The following WDFY4 variants were observed in gnomAD, a reference collection of about 807,000 sequenced individuals.
WDFY4 encodes the protein WD repeat- and FYVE domain-containing protein 4.
Under a neutral mutation model 351.9 loss-of-function variants are expected in WDFY4, and 169 were observed. The observed-to-expected ratio is 0.48, with a 90% CI of 0.42 to 0.55. The LOEUF (loss-of-function observed/expected upper bound fraction) is 0.55. WDFY4 is among the 20% of genes least tolerant of loss of function. The pLI is 0.00. For missense variants in WDFY4, 3,803 were observed against 3,935.6 expected, an observed-to-expected ratio of 0.97 and a Z score of 0.90; for synonymous variants, 1,622 against 1,574.6, an observed-to-expected ratio of 1.03 and a Z score of -0.71.
chr10:48,767,391 C>A (rs1317301521), intron 13 of WDFY4, among the ~76,000 whole-genome samples: 3 of 152,164 alleles, frequency 2.0e-5, no homozygotes, highest in Non-Finnish European at 4.4e-5. Flanking sequence ...ATATAAAATT[C>A]TGAAACTATT....
intron 2 of WDFY4, among the ~76,000 whole-genome samples, chr10:48,713,427 C>A (rs966415968): frequency 6.6e-6 from 1 of 152,230 alleles, no homozygotes; most frequent in Non-Finnish European, 1.5e-5. Flanking sequence ...CTATCCCTGT[C>A]TTTGTTTATA....
chr10:48,902,423 C>T (rs1837404766), intron 47 of WDFY4, among the ~76,000 whole-genome samples: 1 of 152,100 alleles, frequency 6.6e-6, no homozygotes, highest in Non-Finnish European at 1.5e-5. Context: ...GTTTTTATTT[C>T]AGTCGGGGTG....
rs1842605394 is a variant in WDFY4 at position 48,977,179 on chromosome 10, C to A, written c.9291+200C>A. On this transcript the variant is annotated intron_variant, in intron 59 of 61. Transcript: ENST00000325239. ...ATAAAATTATATATATAGTATTACA[C>A]ACACAGACACACACATGCACACACA... The A allele has an allele frequency of 8.0e-6, 3 of 377,040 alleles. No individual in the cohort carries two copies. The Admixed American group carries it at 1.4e-4, about 17-fold the overall frequency. The allele number at this position is 377,040 out of a possible 1,614,324, so 23.4% of individuals were successfully genotyped here.
intron 1 of WDFY4, among the ~76,000 whole-genome samples, chr10:48,686,099 T>A (rs1250821335): frequency 6.6e-6 from 1 of 151,830 alleles, no homozygotes; most frequent in African/African-American, 2.4e-5. Flanking sequence ...GGGAACAGGG[T>A]CAGGTCAGGG....
chr10:48,964,012 C>A lies in WDFY4; in HGVS notation c.8394C>A (p.Thr2798=). Residue 2798 remains threonine (T), a synonymous_variant, in exon 54 of 62, where the codon ACC becomes ACA. Transcript: ENST00000325239. ...TCACTGACCCCCTCATCAAAAGCAC[C>A]ATCCTGGGGTTTGTCAGCAACTTTG... The part of the protein sequence containing the change: ...SSITDPLIKS[T]ILGFVSNFGQ... 6.5e-7 allele frequency: 1 copy of A among 1,550,260 alleles called. No homozygotes were observed. Among genetic ancestry groups the A allele is most frequent in the Non-Finnish European group, 8.7e-7 (1 of 1,146,968 alleles).
intron 39 of WDFY4, among the ~76,000 whole-genome samples, chr10:48,840,731 G>A (rs992652078): frequency 2.6e-5 from 4 of 152,192 alleles, no homozygotes; most frequent in Non-Finnish European, 5.9e-5. Flanking sequence ...TCCAGAATAA[G>A]GGGGAAGGAT....
At chr10:48,819,787 G>T (rs973233791) in intron 32 of WDFY4, among the ~76,000 whole-genome samples, 3 of 152,110 alleles carry the variant, frequency 2.0e-5, no homozygotes, top group Non-Finnish European at 4.4e-5. Context: ...GTAGAGGTGG[G>T]GTCCCCATCA....
chr10:48,775,930 T>A, intron 15 of WDFY4, 124 bp downstream of exon 15: 1 of 851,796 alleles, frequency 1.2e-6, no homozygotes, highest in Middle Eastern at 2.5e-4. Context: ...TGTCTGCTGC[T>A]CAATGCAGCA....
rs538324608 is a variant in WDFY4, at chr10:48,693,779, G to T, written c.-18+8778G>T. Among the ~76,000 whole-genome samples the T allele has an allele frequency of 1.4e-4, 21 of 152,304 alleles. No individual in the cohort carries two copies. The South Asian group carries it at 3.9e-3, about 29-fold the overall frequency. On this transcript the variant is annotated intron_variant, in intron 1 of 61. Transcript: ENST00000325239. ...ATATTTCCTTGCTCTTCTCTTAGGTGAAAAGCATCAGGAGCCAAGCTGTAT... is the reference window on the plus strand; with the variant it reads ...ATATTTCCTTGCTCTTCTCTTAGGTTAAAAGCATCAGGAGCCAAGCTGTAT...
At chr10:48,845,677 A>G (rs1441073364) in intron 39 of WDFY4, among the ~76,000 whole-genome samples, 1 of 152,118 alleles carries the variant, frequency 6.6e-6, no homozygotes, top group Non-Finnish European at 1.5e-5. Context: ...TCTTAATTTT[A>G]TGTATTTATT....
At chr10:48,793,475 A>ATTTTGT (rs1241791981) in intron 23 of WDFY4, among the ~76,000 whole-genome samples, 3 of 152,134 alleles carry the variant, frequency 2.0e-5, no homozygotes, top group African/African-American at 7.2e-5. Context: ...AAATAGTATT[A>ATTTTGT]TTTTGTTTTT....
At chr10:48,943,134 C>T (rs533173648) in intron 48 of WDFY4, among the ~76,000 whole-genome samples, 196 bp from the exon 49 acceptor site, 30 of 152,084 alleles carry the variant, frequency 2.0e-4, no homozygotes, top group African/African-American at 6.5e-4. Flanking sequence ...CTTTGCTTCC[C>T]GAATATACTT....
At chr10:48,843,350 AGGTC>A (rs1466891764) in intron 39 of WDFY4, among the ~76,000 whole-genome samples, 4 of 152,252 alleles carry the variant, frequency 2.6e-5, no homozygotes, top group African/African-American at 9.6e-5. Context: ...CCACATCTGC[AGGTC>A]AACTTGCAAT....
intron 23 of WDFY4, among the ~76,000 whole-genome samples, chr10:48,793,653 A>T (rs1197422468): frequency 6.6e-6 from 1 of 152,166 alleles, no homozygotes; most frequent in Non-Finnish European, 1.5e-5. Context: ...TTTCACCCCC[A>T]GGCACATGCT....
chr10:48,743,381 C>T lies in WDFY4; in HGVS notation c.2292C>T (p.Leu764=). 2 of 1,551,646 alleles carry T rather than the reference C, an allele frequency of 1.3e-6. No homozygotes were observed. The highest frequency in any genetic ancestry group is 1.7e-6 in the Non-Finnish European group (2 of 1,146,982). ...TCCCACCCCGGATACAGAGCTGCCT[C>T]CAGATCCTTGGCTTTCTGGACAGCA... ...GSLPPRIQSC[L]QILGFLDSMA... is the part of the protein sequence containing the mutation. Residue 764 remains leucine (L), a synonymous_variant, in exon 12 of 62, where the codon CTC becomes CTT. Coordinates refer to ENST00000325239, the MANE Select transcript of WDFY4 (RefSeq NM_001394531.1).
At chr10:48,902,756 G>C (rs1015852644) in intron 47 of WDFY4, among the ~76,000 whole-genome samples, 6 of 151,910 alleles carry the variant, frequency 3.9e-5, no homozygotes, top group Non-Finnish European at 8.8e-5. Flanking sequence ...GCAGATAGAG[G>C]TGGGCATTGA....
chr10:48,928,352 A>ATGTGTGTGTGTG (rs1839749361), intron 47 of WDFY4, among the ~76,000 whole-genome samples: 10 of 59,716 alleles, frequency 1.7e-4, no homozygotes, highest in African/African-American at 4.5e-4. Context: ...TTTGGTTTTG[A>ATGTGTGTGTGTG]CGTGTGTGTG....
At chr10:48,869,074 A>G (rs1260801186) in intron 40 of WDFY4, among the ~76,000 whole-genome samples, 1 of 152,252 alleles carries the variant, frequency 6.6e-6, no homozygotes, top group East Asian at 1.9e-4. Flanking sequence ...CTTTCCAAGT[A>G]TTTAAATATT....
chr10:48,917,068 C>G (rs1419831295), intron 47 of WDFY4, among the ~76,000 whole-genome samples: 19 of 152,116 alleles, frequency 1.2e-4, no homozygotes, highest in African/African-American at 4.1e-4. Flanking sequence ...GTGTTTAGTA[C>G]AGTAACATGC....
Sources: allele counts gnomAD v4.1 joint callset (sites outside exome capture counted in the v4.1 genomes callset), GRCh38; gene constraint gnomAD v4.1.1; transcripts MANE v1.5; gene names NCBI Gene and HGNC (gene_info 2026-07-23, HGNC 2026-07-21).